Variants in CDC42BPA observed in about 807,000 individuals in gnomAD.
The protein encoded by CDC42BPA is serine/threonine-protein kinase MRCK alpha.
A neutral mutation model predicts 223.5 loss-of-function variants in CDC42BPA; 80 were observed. The observed-to-expected ratio is 0.36, with a 90% CI of 0.30 to 0.43. CDC42BPA has a LOEUF of 0.43. Among genes scored for constraint, CDC42BPA ranks in the 20% least tolerant of loss-of-function variants. The pLI is 1.00. For missense variants in CDC42BPA, 1,743 were observed against 2,099.9 expected, an observed-to-expected ratio of 0.83 and a Z score of 3.32; for synonymous variants, 694 against 718.6, an observed-to-expected ratio of 0.97 and a Z score of 0.55.
At chr1:227,112,587 A>G in intron 13 of CDC42BPA, 84 bp downstream of exon 13, 1 of 1,112,174 alleles carries the variant, frequency 9.0e-7, no homozygotes, top group African/African-American at 1.6e-5. Context: ...AAATATTTTA[A>G]AAATTATATA....
At chr1:227,264,910 C>T (rs1684719995) in intron 1 of CDC42BPA, 13 of 1,364,944 alleles carry the variant, frequency 9.5e-6, no homozygotes, top group Admixed American at 1.7e-5. Context: ...CCTCAGATAC[C>T]AGCTCAATAC....
chr1:227,273,978 C>T (rs1217958730), intron 1 of CDC42BPA, among the ~76,000 whole-genome samples: 1 of 58,422 alleles, frequency 1.7e-5, no homozygotes, highest in Non-Finnish European at 3.0e-5. Flanking sequence ...TGATAGTTTT[C>T]AAATATTCGT....
chr1:227,207,487 G>T (rs1672992634), intron 3 of CDC42BPA, among the ~76,000 whole-genome samples: 2 of 144,340 alleles, frequency 1.4e-5, no homozygotes, highest in Non-Finnish European at 3.0e-5. Context: ...CTAGCATTAG[G>T]TATATCTCCC....
intron 17 of CDC42BPA, among the ~76,000 whole-genome samples, chr1:227,077,500 T>C (rs1679741617): frequency 6.6e-6 from 1 of 152,174 alleles, no homozygotes; most frequent in Admixed American, 6.5e-5. Flanking sequence ...CTGGTTCTCC[T>C]CTACAGAGCT....
At chr1:227,312,135 T>C (rs1693643987) in intron 1 of CDC42BPA, among the ~76,000 whole-genome samples, 1 of 152,234 alleles carries the variant, frequency 6.6e-6, no homozygotes, top group Admixed American at 6.5e-5. Flanking sequence ...ATGTACTTTA[T>C]ATTTTCTATT....
intron 1 of CDC42BPA, among the ~76,000 whole-genome samples, chr1:227,283,285 A>T (rs1688288927): frequency 6.6e-6 from 1 of 152,168 alleles, no homozygotes; most frequent in Non-Finnish European, 1.5e-5. Flanking sequence ...ATGCTACAGA[A>T]AGTTTTATAT....
At chr1:227,179,211 A>T (rs6670934) in intron 5 of CDC42BPA, among the ~76,000 whole-genome samples, 103,595 of 152,042 alleles carry the variant, frequency 0.68, 35,528 homozygotes, top group South Asian at 0.73. Flanking sequence ...AGGTATAGAG[A>T]AGAGTGTCTT....
intron 2 of CDC42BPA, among the ~76,000 whole-genome samples, chr1:227,250,346 G>C (rs1681752242): frequency 6.6e-6 from 1 of 152,062 alleles, no homozygotes. Context: ...AAACTAGCCA[G>C]GCATGGTAGT....
intron 1 of CDC42BPA, among the ~76,000 whole-genome samples, chr1:227,304,196 C>T (rs746001340): frequency 2.6e-5 from 4 of 152,108 alleles, no homozygotes; most frequent in Non-Finnish European, 5.9e-5. Flanking sequence ...CACTTGAGGC[C>T]AGGAGTTCCA....
At chr1:227,065,368 A>G (rs1379225770) in intron 21 of CDC42BPA, among the ~76,000 whole-genome samples, 1 of 152,192 alleles carries the variant, frequency 6.6e-6, no homozygotes, top group Admixed American at 6.5e-5. Flanking sequence ...AAATGCCTAC[A>G]TTCCCCCAAG....
chr1:227,085,218 G>A (rs953773009), intron 16 of CDC42BPA, among the ~76,000 whole-genome samples: 3 of 151,908 alleles, frequency 2.0e-5, no homozygotes, highest in African/African-American at 7.3e-5. Context: ...CACTCTATTG[G>A]TTCTGTTTCT....
chr1:227,119,862 A>G lies in CDC42BPA; in HGVS notation c.1589T>C (p.Ile530Thr). 1 of 1,603,004 alleles carries G rather than the reference A, an allele frequency of 6.2e-7. No individual in the cohort carries two copies. The change falls in exon 12 of 37, where the codon ATC becomes ACC. Residue 530 changes from isoleucine to threonine, a missense_variant. Around this residue, in one of 6 missense-constraint regions of CDC42BPA, gnomAD observed 464 missense variants for 488.0 expected, o/e 0.95. Coordinates refer to ENST00000366766, the MANE Select transcript of CDC42BPA (RefSeq NM_001394014.1). ...RQELDDAFRQ[I>T]KAYEKQIKTL... ...TTTGATTTGTTTTTCATAAGCCTTG[A>G]TTTGTCTAAAAGCATCATCTAGTTC...
intron 1 of CDC42BPA, among the ~76,000 whole-genome samples, chr1:227,314,590 A>C (rs1213934318): frequency 6.6e-6 from 1 of 152,082 alleles, no homozygotes; most frequent in Non-Finnish European, 1.5e-5. Flanking sequence ...AATGAAGCTG[A>C]ATACAGCCGG....
At chr1:227,213,711 T>G (rs1674340229) in intron 2 of CDC42BPA, among the ~76,000 whole-genome samples, 1 of 152,146 alleles carries the variant, frequency 6.6e-6, no homozygotes, top group African/African-American at 2.4e-5. Context: ...ACGATCCTAT[T>G]TTTCATATCA....
rs146651448 is a variant in CDC42BPA, at chr1:227,317,111, C to A, written c.72G>T (p.Gln24His). 35 of 1,614,032 alleles carry A rather than the reference C, an allele frequency of 2.2e-5. No homozygotes were observed. The highest frequency in any genetic ancestry group is 2.9e-5 in the Non-Finnish European group (34 of 1,179,982). The change falls in exon 1 of 37, where the codon CAG (glutamine) becomes CAT (histidine). Residue 24 changes from glutamine to histidine, a missense_variant. Gln to His is a conservative substitution (Grantham distance 24, BLOSUM62 0). Transcript: ENST00000366766. ...ILDGPAQTNG[Q>H]CFSVETLLDI... ...CCAGTAATGTCTCCACACTGAAGCA[C>A]TGCCCATTGGTCTGAGCGGGCCCGT...
At chr1:227,310,674 GT>G (rs34491074) in intron 1 of CDC42BPA, among the ~76,000 whole-genome samples, 14 of 143,846 alleles carry the variant, frequency 9.7e-5, no homozygotes, top group East Asian at 2.1e-4. Flanking sequence ...TTGGAAAGGA[GT>G]TTTTTTTTTT....
chr1:227,093,007 T>C (rs1683362616), intron 15 of CDC42BPA, among the ~76,000 whole-genome samples: 1 of 152,214 alleles, frequency 6.6e-6, no homozygotes, highest in Non-Finnish European at 1.5e-5. Context: ...ACCATCTGAA[T>C]TCACAGACAC....
At chr1:227,013,358 G>C (rs922771314) in intron 34 of CDC42BPA, among the ~76,000 whole-genome samples, 4 of 150,854 alleles carry the variant, frequency 2.7e-5, no homozygotes, top group African/African-American at 9.7e-5. Flanking sequence ...ACCTTATTTT[G>C]AACAAAAAAT....
chr1:227,002,067 C>T (rs903206371), intron 35 of CDC42BPA, among the ~76,000 whole-genome samples: 12 of 152,188 alleles, frequency 7.9e-5, no homozygotes, highest in Non-Finnish European at 1.2e-4. Context: ...ATAACTTTTG[C>T]TGTGTAAGTA....
Sources: gnomAD v4.1 joint callset for allele counts (sites outside exome capture counted in the v4.1 genomes callset) on GRCh38, gnomAD v4.1.1 for gene constraint, gnomAD v4.1.1 regional missense constraint, MANE v1.5 for transcripts, NCBI Gene and HGNC (gene_info 2026-07-23, HGNC 2026-07-21) for gene names.